MNAT1: variants seen among roughly 807,000 people sequenced by gnomAD.
MNAT1 encodes the protein MNAT1 component of CDK activating kinase, also known as CDK-activating kinase assembly factor MAT1.
MNAT1 carries 43 observed loss-of-function variants against 42.0 expected under a neutral mutation model. The ratio of observed to expected loss-of-function variants is 1.02; its 90% CI spans 0.80 to 1.32. The LOEUF is 1.32. MNAT1 is among the 40% of genes most tolerant of loss of function. The probability of loss-of-function intolerance (pLI) is 0.00; values close to 1 mark genes in which losing one functional copy is unlikely to be tolerated. For synonymous variants in MNAT1, 118 were observed against 120.0 expected (o/e 0.98, Z 0.11); for missense variants, 306 against 350.4 (o/e 0.87, Z 1.01).
At chr14:60,806,198 G>A (rs1256159413) in intron 3 of MNAT1, among the ~76,000 whole-genome samples, 5 of 152,172 alleles carry the variant, frequency 3.3e-5, no homozygotes, top group Non-Finnish European at 7.3e-5. Flanking sequence ...GTAGGAAGTG[G>A]GTAAATGCCA....
chr14:60,792,351 T>C (rs1040960192), intron 1 of MNAT1, among the ~76,000 whole-genome samples: 4 of 152,186 alleles, frequency 2.6e-5, no homozygotes, highest in Admixed American at 2.0e-4. Context: ...CAATATTTTC[T>C]TGTATAGACA....
intron 7 of MNAT1, among the ~76,000 whole-genome samples, chr14:60,906,302 C>CT (rs1480555680): frequency 2.0e-5 from 3 of 152,140 alleles, no homozygotes; most frequent in Non-Finnish European, 4.4e-5. Flanking sequence ...ATGGTCAAGA[C>CT]TTGGGTTTTT....
chr14:60,954,346 C>T (rs2036440459), intron 7 of MNAT1, among the ~76,000 whole-genome samples: 1 of 152,152 alleles, frequency 6.6e-6, no homozygotes, highest in Non-Finnish European at 1.5e-5. Context: ...GTTAATTCTT[C>T]CATTCCATGA....
chr14:60,814,754 T>C (rs1255743353), intron 5 of MNAT1, among the ~76,000 whole-genome samples: 1 of 152,166 alleles, frequency 6.6e-6, no homozygotes, highest in Non-Finnish European at 1.5e-5. Flanking sequence ...TTTCTATGAC[T>C]GGAATGTGAA....
chr14:60,849,119 C>T (rs1045782120), intron 6 of MNAT1, among the ~76,000 whole-genome samples: 1 of 152,150 alleles, frequency 6.6e-6, no homozygotes, highest in South Asian at 2.1e-4. Flanking sequence ...ATTTCTTAAA[C>T]AGTGTTTGTT....
At chr14:60,834,282 G>A (rs2033312768) in intron 6 of MNAT1, among the ~76,000 whole-genome samples, 1 of 151,026 alleles carries the variant, frequency 6.6e-6, no homozygotes, top group Non-Finnish European at 1.5e-5. Context: ...GATTTTAGAT[G>A]TTTCCCACTT....
intron 6 of MNAT1, among the ~76,000 whole-genome samples, chr14:60,857,406 G>A (rs901567269): frequency 2.6e-5 from 4 of 152,168 alleles, no homozygotes. Context: ...CTGAATTGCT[G>A]CAATCTCATG....
intron 7 of MNAT1, among the ~76,000 whole-genome samples, chr14:60,928,154 A>G (rs143062835): frequency 6.6e-6 from 1 of 152,138 alleles, no homozygotes; most frequent in East Asian, 1.9e-4. Flanking sequence ...GGTTTCTTTC[A>G]TGTTTCTGAG....
At chr14:60,765,935 A>C (rs980593992) in intron 1 of MNAT1, among the ~76,000 whole-genome samples, 2 of 151,934 alleles carry the variant, frequency 1.3e-5, no homozygotes, top group Non-Finnish European at 2.9e-5. Context: ...TGACTTATAA[A>C]ATTAAATGTA....
At chr14:60,911,469 A>G (rs938535428) in intron 7 of MNAT1, among the ~76,000 whole-genome samples, 6 of 152,238 alleles carry the variant, frequency 3.9e-5, no homozygotes, top group African/African-American at 1.4e-4. Context: ...TTAGTGCTAT[A>G]AAGTTCCCTC....
At chr14:60,797,372 A>C (rs1014798763) in intron 2 of MNAT1, among the ~76,000 whole-genome samples, 4 of 152,152 alleles carry the variant, frequency 2.6e-5, no homozygotes, top group African/African-American at 4.8e-5. Context: ...AGACTATGTC[A>C]TGAAAAATGG....
At chr14:60,895,765 CAACAAAACAA>C (rs746386602) in intron 7 of MNAT1, among the ~76,000 whole-genome samples, 7 of 152,052 alleles carry the variant, frequency 4.6e-5, no homozygotes, top group Admixed American at 6.5e-5. Context: ...GACTCTGTCT[CAACAAAACAA>C]AACAAAACAA....
At chr14:60,827,118 A>T (rs1471159368) in intron 6 of MNAT1, among the ~76,000 whole-genome samples, 1 of 152,216 alleles carries the variant, frequency 6.6e-6, no homozygotes, top group Non-Finnish European at 1.5e-5. Context: ...ATGTCAAAAG[A>T]TAATTGTTTT....
intron 7 of MNAT1, among the ~76,000 whole-genome samples, chr14:60,955,704 ATTGGT>A (rs1271963665): frequency 6.6e-6 from 1 of 152,074 alleles, no homozygotes; most frequent in Non-Finnish European, 1.5e-5. Context: ...CTTACTTTCT[ATTGGT>A]TTGTTTACAA....
intron 6 of MNAT1, among the ~76,000 whole-genome samples, chr14:60,839,700 T>A (rs546486986): frequency 6.6e-6 from 1 of 152,226 alleles, no homozygotes; most frequent in African/African-American, 2.4e-5. Context: ...CTCCAAGCTT[T>A]CCAGTGTCAC....
intron 7 of MNAT1, among the ~76,000 whole-genome samples, chr14:60,936,434 G>A (rs2035999283): frequency 7.4e-6 from 1 of 134,500 alleles, no homozygotes; most frequent in Non-Finnish European, 1.5e-5. Flanking sequence ...CTGTGTCCGT[G>A]TGTTCTCATT....
chr14:60,864,858 TG>T (rs2034170723), intron 6 of MNAT1, among the ~76,000 whole-genome samples: 1 of 152,032 alleles, frequency 6.6e-6, no homozygotes, highest in Admixed American at 6.6e-5. Context: ...TAGTGTTTGT[TG>T]TTTCTTTTTA....
chr14:60,910,543 C>T (rs534800719), intron 7 of MNAT1, among the ~76,000 whole-genome samples: 52 of 152,162 alleles, frequency 3.4e-4, no homozygotes, highest in African/African-American at 1.2e-3. Context: ...GAAGCATTGT[C>T]GAATTTTGTC....
rs553789743 is a variant in MNAT1 at position 60,879,967 on chromosome 14, C to G, written c.809+132C>G. The G allele has an allele frequency of 2.6e-4, 243 of 937,376 alleles. 1 individual carries two copies. The highest frequency in any genetic ancestry group is 3.6e-4 in the Non-Finnish European group (236 of 664,478). 58.1% of individuals were successfully genotyped at this position (937,376 alleles called of 1,614,324 possible). The stretch of plus-strand genomic sequence containing the variant: ...TGTTTTGTGAAAAATGAACAGTACT[C>G]AATACCAAATTGTTTTATTTAGTAC... On this transcript the variant is annotated intron_variant, in intron 7 of 7. Transcript: ENST00000261245.
Sources: gnomAD v4.1 joint callset for allele counts (sites outside exome capture counted in the v4.1 genomes callset) on GRCh38, gnomAD v4.1.1 for gene constraint, MANE v1.5 for transcripts, NCBI Gene and HGNC (gene_info 2026-07-23, HGNC 2026-07-21) for gene names.